PLPPR1: variants seen among roughly 807,000 people sequenced by gnomAD.
PLPPR1 encodes the protein phospholipid phosphatase related 1.
PLPPR1 carries 10 observed loss-of-function variants against 33.1 expected under a neutral mutation model. The observed-to-expected ratio is 0.30, with a 90% CI of 0.19 to 0.51. The LOEUF is 0.51. Among genes scored for constraint, PLPPR1 ranks in the 20% least tolerant of loss-of-function variants. The pLI, the probability that PLPPR1 is intolerant of heterozygous loss-of-function variation, is 0.97. For missense variants in PLPPR1, 304 were observed against 408.1 expected (o/e 0.74, Z 2.20); for synonymous variants, 151 against 151.0 (o/e 1.00, Z 0.00).
intron 2 of PLPPR1, among the ~76,000 whole-genome samples, chr9:101,192,259 T>C (rs1174799923): frequency 1.3e-5 from 2 of 152,234 alleles, no homozygotes; most frequent in African/African-American, 4.8e-5. Flanking sequence ...AGATTGCAAC[T>C]CTTACATTTT....
intron 3 of PLPPR1, among the ~76,000 whole-genome samples, chr9:101,272,226 A>C (rs1022325173): frequency 6.6e-6 from 1 of 152,206 alleles, no homozygotes; most frequent in Non-Finnish European, 1.5e-5. Context: ...ATAAAATTTT[A>C]AACATGCCAA....
At position 101,167,185 on chromosome 9, in the gene PLPPR1, T is replaced by TGTGTGTGTGTGTGTGTGTG. The variant is rs1491118695; in HGVS notation, c.-45-18265_-45-18264insGTGTGTGTGTGTGTGTGTG. On this transcript the variant is annotated intron_variant, in intron 1 of 7. Transcript: ENST00000374874. ...GTGTGTGTGTGTGTGTGTGTGTGTC[T>TGTGTGTGTGTGTGTGTGTG]TTCTCTCTCTCTCTCACACACACAC... 3.1e-3 allele frequency among the ~76,000 whole-genome samples: 212 copies of TGTGTGTGTGTGTGTGTGTG among 68,014 alleles called. No individual in the cohort carries two copies. In the Middle Eastern group the frequency reaches 0.044, roughly 14 times the overall value. The allele number at this position is 68,014 out of a possible 152,430, so 44.6% of individuals were successfully genotyped here. A position where few individuals can be genotyped will look rare whatever the true frequency, so the allele number is the denominator to read the frequency against.
intron 2 of PLPPR1, among the ~76,000 whole-genome samples, chr9:101,214,884 A>G (rs1352549935): frequency 4.6e-5 from 7 of 152,150 alleles, no homozygotes; most frequent in African/African-American, 1.7e-4. Flanking sequence ...TTAGCCAGGC[A>G]TGGTGGCAGG....
Position 101,236,783 on chromosome 9 carries a change from A to G in PLPPR1, c.64-33097A>G, listed in dbSNP as rs368464647. Among the ~76,000 whole-genome samples, 83 of 151,858 alleles carry G rather than the reference A, an allele frequency of 5.5e-4. No homozygotes were observed. In the South Asian group the frequency reaches 8.7e-3, roughly 16 times the overall value. On this transcript the variant is annotated intron_variant, in intron 2 of 7. Coordinates refer to ENST00000374874, the MANE Select transcript of PLPPR1 (RefSeq NM_207299.2). ...AATCCTCTCCTCTATCTTTTTGAAA[A>G]TATGTATTATTGTTAACCCTCAAAA...
chr9:101,245,037 T>A (rs984256361), intron 2 of PLPPR1, among the ~76,000 whole-genome samples: 47 of 152,148 alleles, frequency 3.1e-4, no homozygotes, highest in African/African-American at 1.1e-3. Flanking sequence ...GAATGGATCC[T>A]GTGAGTAGTT....
chr9:101,072,710 A>G (rs569523294), intron 1 of PLPPR1, among the ~76,000 whole-genome samples: 1 of 152,300 alleles, frequency 6.6e-6, no homozygotes, highest in Non-Finnish European at 1.5e-5. Flanking sequence ...CAAGGAAATG[A>G]TATTTACATC....
At chr9:101,162,579 T>C (rs570413989) in intron 1 of PLPPR1, among the ~76,000 whole-genome samples, 76 of 151,950 alleles carry the variant, frequency 5.0e-4, no homozygotes, top group Non-Finnish European at 8.1e-4. Flanking sequence ...TTTAGAGCCA[T>C]TGAGGCTTCT....
intron 1 of PLPPR1, chr9:101,125,931 A>G: frequency 3.4e-6 from 1 of 297,274 alleles, no homozygotes; most frequent in Non-Finnish European, 6.4e-6. Flanking sequence ...CTGTGTGCTC[A>G]TTAAATCTGT....
chr9:101,144,129 A>C (rs958302186), intron 1 of PLPPR1, among the ~76,000 whole-genome samples: 2 of 152,158 alleles, frequency 1.3e-5, no homozygotes, highest in African/African-American at 4.8e-5. Flanking sequence ...ACATGGATGA[A>C]GCTGGAAACC....
chr9:101,079,163 C>T (rs1830584852), intron 1 of PLPPR1, among the ~76,000 whole-genome samples: 1 of 152,170 alleles, frequency 6.6e-6, no homozygotes, highest in African/African-American at 2.4e-5. Context: ...ATGTTATCTT[C>T]TTGTAGAAAT....
At chr9:101,178,551 A>G (rs1330736404) in intron 1 of PLPPR1, among the ~76,000 whole-genome samples, 1 of 152,156 alleles carries the variant, frequency 6.6e-6, no homozygotes, top group Non-Finnish European at 1.5e-5. Flanking sequence ...TTGCCTCTGA[A>G]CAAGGCACTC....
intron 6 of PLPPR1, among the ~76,000 whole-genome samples, chr9:101,316,616 CAAA>C (rs553324474): frequency 2.4e-5 from 2 of 82,590 alleles, no homozygotes. Context: ...TCTTCTTGGG[CAAA>C]AAAAAAAAAG....
chr9:101,150,388 T>G (rs1467210668), intron 1 of PLPPR1, among the ~76,000 whole-genome samples: 1 of 152,206 alleles, frequency 6.6e-6, no homozygotes, highest in Non-Finnish European at 1.5e-5. Flanking sequence ...AGGTCTCAAG[T>G]TGGTGCCTTT....
intron 1 of PLPPR1, among the ~76,000 whole-genome samples, chr9:101,153,695 C>A (rs187319202): frequency 1.3e-5 from 2 of 152,178 alleles, no homozygotes; most frequent in African/African-American, 4.8e-5. Context: ...CTGCCTCAGC[C>A]TCCTGAGTAG....
chr9:101,081,917 T>C (rs1830624114), intron 1 of PLPPR1, among the ~76,000 whole-genome samples: 1 of 152,122 alleles, frequency 6.6e-6, no homozygotes, highest in Non-Finnish European at 1.5e-5. Flanking sequence ...GGCACAACAA[T>C]TGGTGCAAGA....
intron 2 of PLPPR1, among the ~76,000 whole-genome samples, chr9:101,192,216 TC>T (rs1319526322): frequency 6.6e-6 from 1 of 152,224 alleles, no homozygotes; most frequent in Admixed American, 6.5e-5. Context: ...GTGCCCAAAT[TC>T]AGCAGTGCTG....
intron 4 of PLPPR1, among the ~76,000 whole-genome samples, chr9:101,293,647 A>G (rs944940067): frequency 4.6e-5 from 7 of 152,156 alleles, no homozygotes; most frequent in Non-Finnish European, 8.8e-5. Flanking sequence ...GGATTAAGAA[A>G]CTCACTAAAA....
intron 6 of PLPPR1, 145 bp from the exon 7 acceptor site, chr9:101,317,220 A>C: frequency 1.2e-6 from 1 of 809,894 alleles, no homozygotes; most frequent in Non-Finnish European, 2.0e-6. Context: ...TTTCCACAGC[A>C]CTTCCCATAG....
intron 1 of PLPPR1, among the ~76,000 whole-genome samples, chr9:101,061,721 T>C (rs1191600786): frequency 6.6e-6 from 1 of 152,000 alleles, no homozygotes; most frequent in East Asian, 1.9e-4. Flanking sequence ...GAAGATGTTG[T>C]ATTTATGCAG....
Sources: gnomAD v4.1 joint callset for allele counts (sites outside exome capture counted in the v4.1 genomes callset) on GRCh38, gnomAD v4.1.1 for gene constraint, MANE v1.5 for transcripts, NCBI Gene and HGNC (gene_info 2026-07-23, HGNC 2026-07-21) for gene names.